Variants in ST6GALNAC5 observed in about 807,000 individuals in gnomAD.
ST6GALNAC5 encodes the protein alpha-N-acetylgalactosaminide alpha-2,6-sialyltransferase 5.
ST6GALNAC5 carries 27 observed loss-of-function variants against 33.6 expected under a neutral mutation model. The ratio of observed to expected loss-of-function variants is 0.80; its 90% confidence interval spans 0.59 to 1.11. ST6GALNAC5 has a LOEUF of 1.11. Among genes scored for constraint, ST6GALNAC5 ranks in the 50% least tolerant of loss-of-function variants. The probability of loss-of-function intolerance (pLI) is 0.00; values close to 1 mark genes in which losing one functional copy is unlikely to be tolerated. For missense variants in ST6GALNAC5, 428 were observed against 454.0 expected, an observed-to-expected ratio of 0.94 and a Z score of 0.52; for synonymous variants, 194 against 171.2, an observed-to-expected ratio of 1.13 and a Z score of -1.04.
intron 2 of ST6GALNAC5, among the ~76,000 whole-genome samples, chr1:77,039,081 T>G (rs896281032): frequency 1.3e-5 from 2 of 152,170 alleles, no homozygotes; most frequent in African/African-American, 4.8e-5. Flanking sequence ...CACATGTGTG[T>G]GTGTATCTGC....
intron 2 of ST6GALNAC5, among the ~76,000 whole-genome samples, chr1:76,964,818 T>G (rs1570714679): frequency 6.6e-6 from 1 of 152,186 alleles, no homozygotes; most frequent in East Asian, 1.9e-4. Context: ...CTAAGTGTTC[T>G]CATTGTTCAA....
rs1269302531 is a variant in ST6GALNAC5 at position 76,882,231 on chromosome 1, T to C, written c.261+13489T>C. 2.0e-5 allele frequency among the ~76,000 whole-genome samples: 3 copies of C among 152,154 alleles called. No individual in the cohort carries two copies. In the East Asian group the frequency reaches 5.8e-4, roughly 29 times the overall value. On this transcript the variant is annotated intron_variant, in intron 2 of 4. Coordinates refer to ENST00000477717, the MANE Select transcript of ST6GALNAC5 (RefSeq NM_030965.3). Reference sequence around the variant, plus strand: ...CATGGTACTAATTAATTGAAACAATTTTCAAACCAGAGTAGATTTTTGCCT... The same window carrying C: ...CATGGTACTAATTAATTGAAACAATCTTCAAACCAGAGTAGATTTTTGCCT...
At chr1:76,926,728 A>G (rs1341142025) in intron 2 of ST6GALNAC5, among the ~76,000 whole-genome samples, 1 of 152,102 alleles carries the variant, frequency 6.6e-6, no homozygotes, top group East Asian at 1.9e-4. Context: ...TTCAATTTTG[A>G]TAAGTATTTC....
intron 2 of ST6GALNAC5, among the ~76,000 whole-genome samples, chr1:76,976,998 C>G (rs1486279128): frequency 6.6e-6 from 1 of 152,170 alleles, no homozygotes; most frequent in African/African-American, 2.4e-5. Context: ...GCATTTGTAG[C>G]ATGTTGCCAG....
At chr1:76,933,248 C>T (rs529262495) in intron 2 of ST6GALNAC5, among the ~76,000 whole-genome samples, 1 of 151,838 alleles carries the variant, frequency 6.6e-6, no homozygotes, top group Admixed American at 6.6e-5. Context: ...CTACAAAGGT[C>T]GACATTCAGA....
intron 2 of ST6GALNAC5, among the ~76,000 whole-genome samples, chr1:76,985,989 C>G (rs1007984386): frequency 6.6e-6 from 1 of 152,106 alleles, no homozygotes; most frequent in East Asian, 1.9e-4. Flanking sequence ...TTCCTTATAC[C>G]TTATACAAAA....
At chr1:76,869,070 G>T in intron 2 of ST6GALNAC5, 1 of 265,356 alleles carries the variant, frequency 3.8e-6, no homozygotes, top group East Asian at 8.3e-5. Flanking sequence ...CCTCGGGTTT[G>T]GCCGCCGAGT....
chr1:76,928,123 T>C (rs948362622), intron 2 of ST6GALNAC5, among the ~76,000 whole-genome samples: 2 of 152,136 alleles, frequency 1.3e-5, no homozygotes, highest in Non-Finnish European at 2.9e-5. Context: ...ACAGTTTGCA[T>C]TGTGGGACTT....
intron 2 of ST6GALNAC5, among the ~76,000 whole-genome samples, chr1:76,926,573 C>T (rs1647087418): frequency 6.6e-6 from 1 of 152,162 alleles, no homozygotes; most frequent in Non-Finnish European, 1.5e-5. Context: ...AGAATGTACG[C>T]AGCTAATCCT....
intron 2 of ST6GALNAC5, among the ~76,000 whole-genome samples, chr1:76,914,745 A>G (rs1380100438): frequency 1.3e-5 from 2 of 152,166 alleles, no homozygotes; most frequent in African/African-American, 4.8e-5. Flanking sequence ...ACCCTAGAAG[A>G]AAACCTAGGC....
chr1:76,894,252 T>G (rs1442141288), intron 2 of ST6GALNAC5, among the ~76,000 whole-genome samples: 1 of 152,210 alleles, frequency 6.6e-6, no homozygotes, highest in Non-Finnish European at 1.5e-5. Context: ...TTGCCTTGAA[T>G]CTACTTTGGA....
intron 2 of ST6GALNAC5, among the ~76,000 whole-genome samples, chr1:77,005,654 T>A (rs1359774160): frequency 6.6e-6 from 1 of 152,224 alleles, no homozygotes; most frequent in African/African-American, 2.4e-5. Context: ...CATGCAGAAC[T>A]TTATTCTCAT....
Position 77,050,240 on chromosome 1 carries a change from A to C in ST6GALNAC5, c.672-18A>C. 6.2e-7 allele frequency: 1 copy of C among 1,610,196 alleles called. No homozygotes were observed. Among genetic ancestry groups the C allele is most frequent in the Non-Finnish European group, 8.5e-7 (1 of 1,176,536 alleles). ...GGTTACTTTACCAGCTTGCAGACTT[A>C]ATTATTGTTCCTTCCAGGAAGATAT... On this transcript the variant is annotated intron_variant, in intron 3 of 4. Coordinates refer to ENST00000477717, the MANE Select transcript of ST6GALNAC5 (RefSeq NM_030965.3).
At chr1:76,879,111 G>A (rs1653719019) in intron 2 of ST6GALNAC5, among the ~76,000 whole-genome samples, 1 of 152,112 alleles carries the variant, frequency 6.6e-6, no homozygotes, top group African/African-American at 2.4e-5. Context: ...TATTTCACAA[G>A]GCATTGATCA....
chr1:76,921,711 T>C (rs1647036241), intron 2 of ST6GALNAC5, among the ~76,000 whole-genome samples: 1 of 152,184 alleles, frequency 6.6e-6, no homozygotes. Context: ...GCAATACTAA[T>C]TCACCATTTG....
chr1:76,934,234 C>T (rs563446814), intron 2 of ST6GALNAC5, among the ~76,000 whole-genome samples: 1 of 152,060 alleles, frequency 6.6e-6, no homozygotes, highest in Admixed American at 6.6e-5. Context: ...CTTTGACTAG[C>T]CCCAGGGAAT....
At chr1:77,012,828 T>C (rs1490503225) in intron 2 of ST6GALNAC5, among the ~76,000 whole-genome samples, 2 of 152,188 alleles carry the variant, frequency 1.3e-5, no homozygotes, top group African/African-American at 4.8e-5. Flanking sequence ...AAAAAATGGT[T>C]CGTTCCCAAG....
At chr1:76,880,130 A>G (rs1351839211) in intron 2 of ST6GALNAC5, among the ~76,000 whole-genome samples, 1 of 152,194 alleles carries the variant, frequency 6.6e-6, no homozygotes, top group African/African-American at 2.4e-5. Flanking sequence ...AACCAGCTTC[A>G]TTATGTTCTT....
chr1:76,966,951 T>C (rs1188991513), intron 2 of ST6GALNAC5, among the ~76,000 whole-genome samples: 1 of 152,236 alleles, frequency 6.6e-6, no homozygotes, highest in Non-Finnish European at 1.5e-5. Context: ...TGAAGCTGAC[T>C]TGATCGTGGT....
Sources: gnomAD v4.1 joint callset for allele counts (sites outside exome capture counted in the v4.1 genomes callset) on GRCh38, gnomAD v4.1.1 for gene constraint, MANE v1.5 for transcripts, NCBI Gene and HGNC (gene_info 2026-07-23, HGNC 2026-07-21) for gene names.